The following CP variants were observed in gnomAD, a reference collection of about 807,000 sequenced individuals.
CP encodes ceruloplasmin, also known as caeruloplasmin.
CP carries 64 observed loss-of-function variants against 122.4 expected under a neutral mutation model. The observed-to-expected ratio is 0.52, with a 90% confidence interval of 0.43 to 0.64. The LOEUF is 0.64. Ranked by LOEUF, CP falls within the 30% of genes least tolerant of loss-of-function variation. The pLI, the probability that CP is intolerant of heterozygous loss-of-function variation, is 0.00. For missense variants in CP, 1,167 were observed against 1,284.4 expected (o/e 0.91, Z 1.40); for synonymous variants, 440 against 436.4 (o/e 1.01, Z -0.10).
intron 12 of CP, among the ~76,000 whole-genome samples, chr3:149,183,811 C>T (rs1365619566): frequency 6.6e-6 from 1 of 151,976 alleles, no homozygotes; most frequent in African/African-American, 2.4e-5. Flanking sequence ...CTGAGTGCAG[C>T]CATCTGAGTC....
intron 9 of CP, among the ~76,000 whole-genome samples, chr3:149,192,060 T>A (rs556664997): frequency 6.6e-6 from 1 of 152,186 alleles, no homozygotes; most frequent in East Asian, 1.9e-4. Context: ...AAAATTGATC[T>A]AGAATAATGT....
chr3:149,218,766 C>T (rs761438098), intron 1 of CP, among the ~76,000 whole-genome samples: 2 of 151,984 alleles, frequency 1.3e-5, no homozygotes, highest in Non-Finnish European at 2.9e-5. Flanking sequence ...ATTCTAGGTA[C>T]TAGTGACCAA....
chr3:149,199,224 A>G (rs1028608246), intron 8 of CP, among the ~76,000 whole-genome samples: 9 of 152,284 alleles, frequency 5.9e-5, no homozygotes, highest in African/African-American at 2.2e-4. Flanking sequence ...TCCGATTATG[A>G]AATTAAAATA....
chr3:149,199,928 T>C, intron 7 of CP, 64 bp from the exon 8 acceptor site: 2 of 1,512,276 alleles, frequency 1.3e-6, no homozygotes, highest in Non-Finnish European at 1.8e-6. Flanking sequence ...TATAAGATAG[T>C]TATCTTCTTT....
rs561633350 is a variant in CP, at chr3:149,183,608, TA to T, written c.2286-4del. ...TATCTAAAAATGCATTTGAAACACT[TA>T]AAAAAAAAAACAACTAAGGTTAGTA... On this transcript the variant is annotated splice_polypyrimidine_tract_variant and splice_region_variant and intron_variant, in intron 12 of 18. Transcript: ENST00000264613. The T allele has an allele frequency of 8.7e-3, 10,724 of 1,233,940 alleles. 1 individual carries two copies. Among genetic ancestry groups the T allele is most frequent in the Admixed American group, 0.015 (639 of 43,044 alleles). 76.4% of individuals were successfully genotyped at this position (1,233,940 alleles called of 1,614,324 possible). A position where few individuals can be genotyped will look rare whatever the true frequency, so the allele number is the denominator to read the frequency against.
downstream of CP, chr3:149,172,394 G>A (rs34511277): frequency 0.099 from 56,269 of 566,306 alleles, 3,232 homozygotes; most frequent in African/African-American, 0.18. Flanking sequence ...TTACCTTACC[G>A]TGTAGTGGTA....
chr3:149,216,668 GTA>G (rs1728476753), intron 1 of CP, among the ~76,000 whole-genome samples: 1 of 152,116 alleles, frequency 6.6e-6, no homozygotes, highest in South Asian at 2.1e-4. Flanking sequence ...CTCAACCTAG[GTA>G]TATATAACAC....
At chr3:149,209,414 C>G in intron 3 of CP, 30 bp from the exon 4 acceptor site, 1 of 1,595,120 alleles carries the variant, frequency 6.3e-7, no homozygotes, top group Non-Finnish European at 8.6e-7. Context: ...TTTAGCAAGA[C>G]TAAACTTTTA....
chr3:149,174,662 G>T (rs1725294319), intron 18 of CP, among the ~76,000 whole-genome samples: 1 of 152,146 alleles, frequency 6.6e-6, no homozygotes, highest in Non-Finnish European at 1.5e-5. Context: ...GTCCCTGCCT[G>T]TAAGAAATTT....
At position 149,172,762 on chromosome 3, in the gene CP, A is replaced by G. The variant is rs1725130716; in HGVS notation, c.*952T>C. The G allele has an allele frequency of 6.5e-6, 1 of 153,090 alleles. No homozygotes were observed. The highest frequency in any genetic ancestry group is 2.4e-5 in the African/African-American group (1 of 41,442). The allele number at this position is 153,090 out of a possible 1,614,324, so 9.5% of individuals were successfully genotyped here. On this transcript the variant is annotated 3_prime_UTR_variant, in exon 19 of 19. Transcript: ENST00000264613. ...TGTTCCTTTTCTTGTTACTTTTAAG[A>G]AAACTCATGCTCTGTTTCTCTGAAT...
At position 149,199,993 on chromosome 3, in the gene CP, G is replaced by A. The variant is rs112349534; in HGVS notation, c.1349-129C>T. ...AGCAACACGCTTATTTGTGGTGAAT[G>A]GAAAGCTTGGTTTTTGAGAAGTCCA... is the stretch of plus-strand genomic sequence containing the variant. On this transcript the variant is annotated intron_variant, in intron 7 of 18. Coordinates refer to ENST00000264613, the MANE Select transcript of CP (RefSeq NM_000096.4). 8.2e-6 allele frequency: 8 copies of A among 976,756 alleles called. No homozygotes were observed. In the African/African-American group the frequency reaches 1.1e-4, roughly 14 times the overall value. The allele number at this position is 976,756 out of a possible 1,614,324, so 60.5% of individuals were successfully genotyped here.
intron 9 of CP, among the ~76,000 whole-genome samples, chr3:149,195,735 G>A (rs1040976497): frequency 1.3e-5 from 2 of 152,082 alleles, no homozygotes; most frequent in South Asian, 2.1e-4. Flanking sequence ...GCGTGGTGGC[G>A]GGCGCCTGTA....
At chr3:149,186,893 G>T (rs1726216561) in intron 10 of CP, among the ~76,000 whole-genome samples, 161 bp from the exon 11 acceptor site, 1 of 152,136 alleles carries the variant, frequency 6.6e-6, no homozygotes, top group Admixed American at 6.5e-5. Flanking sequence ...ACTCCTTGTG[G>T]TTCCTGGCAT....
chr3:149,184,407 T>C (rs1040623909), intron 12 of CP, among the ~76,000 whole-genome samples: 1 of 152,168 alleles, frequency 6.6e-6, no homozygotes, highest in African/African-American at 2.4e-5. Flanking sequence ...AAAAGTTTAC[T>C]CCTTTACACT....
At chr3:149,171,299 A>G (rs1724965227), downstream of CP, among the ~76,000 whole-genome samples, 2 of 152,158 alleles carry the variant, frequency 1.3e-5, no homozygotes, top group African/African-American at 4.8e-5. Context: ...TATATTGTTC[A>G]TTAGAACACC....
chr3:149,173,530 T>G lies in CP; in HGVS notation c.*184A>C. On this transcript the variant is annotated 3_prime_UTR_variant, in exon 19 of 19. Transcript: ENST00000264613. ...GTCAGTCATGTATCATTATATAGTC[T>G]GTTGATCTTTCCATTTGCAAAAAAT... 1 of 496,622 alleles carries G rather than the reference T, an allele frequency of 2.0e-6. No individual in the cohort carries two copies. Among genetic ancestry groups the G allele is most frequent in the Middle Eastern group, 5.9e-4 (1 of 1,694 alleles). The allele number at this position is 496,622 out of a possible 1,614,324, so 30.8% of individuals were successfully genotyped here. A position where few individuals can be genotyped will look rare whatever the true frequency, so the allele number is the denominator to read the frequency against.
Position 149,185,188 on chromosome 3 carries a change from A to G in CP, c.2285+51T>C, listed in dbSNP as rs775415177. The stretch of plus-strand genomic sequence containing the variant: ...TGGTGTAATTCTTACTTCTCTGAAA[A>G]GGAAACCTAAAATTACTGCTGAAAT... On this transcript the variant is annotated intron_variant, in intron 12 of 18. Transcript: ENST00000264613. The G allele has an allele frequency of 5.0e-6, 8 of 1,594,834 alleles. No individual in the cohort carries two copies. In the African/African-American group the frequency reaches 8.1e-5, roughly 16 times the overall value.
intron 11 of CP, chr3:149,186,110 A>G (rs772438430): frequency 7.5e-6 from 2 of 266,308 alleles, no homozygotes; most frequent in Non-Finnish European, 1.5e-5. Flanking sequence ...CAATGCTAGC[A>G]TAGAATATTC....
At chr3:149,166,176 T>C (rs947719564) in intron 4 of CP, 7 of 347,398 alleles carry the variant, frequency 2.0e-5, no homozygotes, top group African/African-American at 1.5e-4. Flanking sequence ...GTTTAATTGC[T>C]TGAAGTAAAT....
Sources: gnomAD v4.1 joint callset for allele counts (sites outside exome capture counted in the v4.1 genomes callset) on GRCh38, gnomAD v4.1.1 for gene constraint, MANE v1.5 for transcripts, NCBI Gene and HGNC (gene_info 2026-07-23, HGNC 2026-07-21) for gene names.